Variants in CDH13 observed in about 807,000 individuals in gnomAD.
CDH13 encodes cadherin-13.
In CDH13, 24 loss-of-function variants were observed where a neutral mutation model predicts 63.8. That is an observed-to-expected ratio of 0.38 (90% CI 0.27 to 0.53). The LOEUF (loss-of-function observed/expected upper bound fraction) is 0.53. Among genes scored for constraint, CDH13 ranks in the 20% least tolerant of loss-of-function variants. CDH13 has a pLI of 0.85. For missense variants in CDH13, 1,049 were observed against 903.1 expected, an observed-to-expected ratio of 1.16 and a Z score of -2.07; for synonymous variants, 503 against 355.3, an observed-to-expected ratio of 1.42 and a Z score of -4.67.
At chr16:82,872,143 A>C (rs1223588119) in intron 2 of CDH13, among the ~76,000 whole-genome samples, 1 of 152,186 alleles carries the variant, frequency 6.6e-6, no homozygotes, top group Non-Finnish European at 1.5e-5. Flanking sequence ...TTAAGTACTA[A>C]CGTCTTATGA....
At chr16:82,702,605 AC>A (rs1003966879) in intron 1 of CDH13, among the ~76,000 whole-genome samples, 6 of 152,150 alleles carry the variant, frequency 3.9e-5, no homozygotes, top group Admixed American at 3.3e-4. Context: ...AATCAATAAA[AC>A]TTCCATTTGG....
chr16:82,649,751 T>A (rs1260542430), intron 1 of CDH13, among the ~76,000 whole-genome samples: 1 of 151,970 alleles, frequency 6.6e-6, no homozygotes, highest in Non-Finnish European at 1.5e-5. Flanking sequence ...GGAAAGAAAT[T>A]ACTGGTTAAG....
chr16:83,319,456 C>G (rs953234591), intron 5 of CDH13, among the ~76,000 whole-genome samples: 14 of 152,098 alleles, frequency 9.2e-5, no homozygotes, highest in Non-Finnish European at 1.9e-4. Context: ...TTTTTGCCAA[C>G]CTAAGAAGGC....
At chr16:82,784,621 T>A (rs550841678) in intron 1 of CDH13, among the ~76,000 whole-genome samples, 1 of 152,258 alleles carries the variant, frequency 6.6e-6, no homozygotes, top group East Asian at 1.9e-4. Flanking sequence ...TAATACCTCT[T>A]TATAAAATTA....
intron 1 of CDH13, among the ~76,000 whole-genome samples, chr16:82,733,266 G>A (rs2033495064): frequency 6.6e-6 from 1 of 152,150 alleles, no homozygotes; most frequent in Non-Finnish European, 1.5e-5. Context: ...ATTGTGTGGA[G>A]GCTAACATGT....
intron 6 of CDH13, among the ~76,000 whole-genome samples, chr16:83,423,041 T>C (rs889948205): frequency 1.3e-5 from 2 of 152,250 alleles, no homozygotes; most frequent in African/African-American, 4.8e-5. Flanking sequence ...TCTCTAATTC[T>C]GTACATGTCT....
At chr16:82,786,725 A>G (rs565739351) in intron 1 of CDH13, among the ~76,000 whole-genome samples, 1 of 139,130 alleles carries the variant, frequency 7.2e-6, no homozygotes, top group African/African-American at 2.7e-5. Flanking sequence ...TCATTGTTCA[A>G]TTCCCACCTA....
chr16:83,648,193 A>C (rs1912017856), intron 8 of CDH13, among the ~76,000 whole-genome samples: 1 of 152,150 alleles, frequency 6.6e-6, no homozygotes, highest in South Asian at 2.1e-4. Flanking sequence ...ATGTTTCATC[A>C]TCCAGGCGTG....
At chr16:82,773,791 CTT>C (rs200574265) in intron 1 of CDH13, among the ~76,000 whole-genome samples, 1 of 139,620 alleles carries the variant, frequency 7.2e-6, no homozygotes. Flanking sequence ...TCTTCTTCTT[CTT>C]TTTTTTTTTA....
intron 2 of CDH13, among the ~76,000 whole-genome samples, chr16:82,998,665 T>C (rs1447033119): frequency 1.3e-5 from 2 of 152,168 alleles, no homozygotes; most frequent in East Asian, 3.9e-4. Context: ...TTAGCAGACA[T>C]TGATCTTGTC....
intron 2 of CDH13, among the ~76,000 whole-genome samples, chr16:82,912,117 A>G: frequency 6.6e-6 from 1 of 152,048 alleles, no homozygotes; most frequent in East Asian, 1.9e-4. Context: ...AACCTGTGGG[A>G]ACAGCAGCTT....
intron 1 of CDH13, among the ~76,000 whole-genome samples, chr16:82,839,935 C>G (rs1243883648): frequency 2.0e-5 from 3 of 152,120 alleles, no homozygotes; most frequent in Non-Finnish European, 2.9e-5. Flanking sequence ...TTACATTAAT[C>G]CAGCTTGGGT....
intron 2 of CDH13, among the ~76,000 whole-genome samples, chr16:82,886,274 G>C (rs535692176): frequency 6.6e-6 from 1 of 152,144 alleles, no homozygotes; most frequent in Non-Finnish European, 1.5e-5. Flanking sequence ...GTTTTCAGAA[G>C]TGAAATTGGT....
chr16:83,288,210 T>C (rs1416359423), intron 5 of CDH13, among the ~76,000 whole-genome samples: 1 of 152,210 alleles, frequency 6.6e-6, no homozygotes, highest in Non-Finnish European at 1.5e-5. Context: ...TCCTCACTCA[T>C]CTCCTCTAGC....
intron 9 of CDH13, 23 bp downstream of exon 9, chr16:83,670,995 C>G (rs766929653): frequency 2.6e-6 from 4 of 1,561,360 alleles, no homozygotes; most frequent in Non-Finnish European, 3.5e-6. Context: ...CCAATTGCCT[C>G]TTTCTCCTCA....
At chr16:83,428,586 C>T (rs543029310) in intron 6 of CDH13, among the ~76,000 whole-genome samples, 1 of 152,056 alleles carries the variant, frequency 6.6e-6, no homozygotes, top group African/African-American at 2.4e-5. Context: ...AAGTGCTAGC[C>T]CAAGAAATCA....
intron 1 of CDH13, among the ~76,000 whole-genome samples, chr16:82,651,384 A>C (rs905164967): frequency 2.0e-5 from 3 of 152,198 alleles, no homozygotes. Context: ...CAACCATCAG[A>C]AGCCTGGGAA....
intron 7 of CDH13, among the ~76,000 whole-genome samples, chr16:83,560,143 C>T (rs1282141886): frequency 1.3e-5 from 2 of 152,102 alleles, no homozygotes; most frequent in Non-Finnish European, 2.9e-5. Flanking sequence ...AGTCCCTGGA[C>T]AAGAGCAGAG....
intron 1 of CDH13, among the ~76,000 whole-genome samples, chr16:82,826,978 C>T (rs1046917620): frequency 2.6e-5 from 4 of 152,184 alleles, no homozygotes; most frequent in Non-Finnish European, 5.9e-5. Context: ...GAAAATGCCA[C>T]ACGGCTGGCT....
Sources: allele counts gnomAD v4.1 joint callset (sites outside exome capture counted in the v4.1 genomes callset), GRCh38; gene constraint gnomAD v4.1.1; transcripts MANE v1.5; gene names NCBI Gene and HGNC (gene_info 2026-07-23, HGNC 2026-07-21).